Variants in LARGE1 observed in about 807,000 individuals in gnomAD.
LARGE1 encodes the protein LARGE xylosyl- and glucuronyltransferase 1.
LARGE1 carries 43 observed loss-of-function variants against 87.6 expected under a neutral mutation model. The observed-to-expected ratio is 0.49, with a 90% CI of 0.38 to 0.63. The LOEUF (loss-of-function observed/expected upper bound fraction) is 0.63. LARGE1 is among the 30% of genes least tolerant of loss of function. The probability of loss-of-function intolerance (pLI) is 0.00; values close to 1 mark genes in which losing one functional copy is unlikely to be tolerated. For missense variants in LARGE1, 802 were observed against 1,000.2 expected (o/e 0.80, Z 2.67); for synonymous variants, 434 against 394.6 (o/e 1.10, Z -1.18).
intron 2 of LARGE1, among the ~76,000 whole-genome samples, chr22:33,714,990 G>A (rs1172277341): frequency 6.6e-6 from 1 of 152,200 alleles, no homozygotes; most frequent in Non-Finnish European, 1.5e-5. Flanking sequence ...AATCAGGAAG[G>A]AGAAGAGACT....
At chr22:33,779,530 A>T (rs2085350506) in intron 1 of LARGE1, among the ~76,000 whole-genome samples, 2 of 152,164 alleles carry the variant, frequency 1.3e-5, no homozygotes, top group Non-Finnish European at 2.9e-5. Flanking sequence ...CTGTAATCTC[A>T]GGACACTGGG....
intron 1 of LARGE1, among the ~76,000 whole-genome samples, chr22:33,844,372 G>A (rs1400673902): frequency 6.6e-6 from 1 of 152,198 alleles, no homozygotes; most frequent in Non-Finnish European, 1.5e-5. Context: ...GGCACAGGGA[G>A]TTTAGTAAAG....
At chr22:33,369,299 G>C (rs2064716960) in intron 9 of LARGE1, among the ~76,000 whole-genome samples, 1 of 152,196 alleles carries the variant, frequency 6.6e-6, no homozygotes, top group African/African-American at 2.4e-5. Flanking sequence ...TTGCTCTCAA[G>C]AGATTGATAA....
intron 7 of LARGE1, among the ~76,000 whole-genome samples, chr22:33,428,086 CT>C (rs1454293845): frequency 1.3e-5 from 2 of 152,160 alleles, no homozygotes; most frequent in Non-Finnish European, 2.9e-5. Flanking sequence ...AAAATACTTA[CT>C]CGTTCTTTCT....
At chr22:33,697,570 A>AAAAAAC in intron 2 of LARGE1, among the ~76,000 whole-genome samples, 1 of 150,836 alleles carries the variant, frequency 6.6e-6, no homozygotes, top group Non-Finnish European at 1.5e-5. Flanking sequence ...AAAAAAAAAA[A>AAAAAAC]GGAAATACAT....
intron 3 of LARGE1, among the ~76,000 whole-genome samples, chr22:33,630,994 A>G (rs1183199869): frequency 6.6e-6 from 1 of 151,944 alleles, no homozygotes; most frequent in Non-Finnish European, 1.5e-5. Context: ...CTTGGACTAC[A>G]GGCGCCTGCC....
chr22:33,211,729 C>T (rs1430210019), intron 11 of LARGE1, among the ~76,000 whole-genome samples: 1 of 152,108 alleles, frequency 6.6e-6, no homozygotes, highest in African/African-American at 2.4e-5. Context: ...GCCGAGATCG[C>T]GCCACTACAC....
chr22:33,830,088 G>C (rs1417542654), intron 1 of LARGE1, among the ~76,000 whole-genome samples: 1 of 152,092 alleles, frequency 6.6e-6, no homozygotes, highest in Non-Finnish European at 1.5e-5. Flanking sequence ...CAGTCAACAA[G>C]GTCCTTTGGG....
At chr22:33,623,146 T>A (rs913241501) in intron 4 of LARGE1, among the ~76,000 whole-genome samples, 48 of 151,994 alleles carry the variant, frequency 3.2e-4, no homozygotes, top group African/African-American at 1.1e-3. Flanking sequence ...GCTTTTTTTT[T>A]TTTTTTTTAA....
At chr22:33,553,896 G>A (rs2077601059) in intron 6 of LARGE1, among the ~76,000 whole-genome samples, 1 of 152,158 alleles carries the variant, frequency 6.6e-6, no homozygotes, top group Admixed American at 6.5e-5. Context: ...CTCCGTGAGA[G>A]TCTGAGCCCT....
At chr22:33,707,246 C>G (rs1040646880) in intron 2 of LARGE1, among the ~76,000 whole-genome samples, 1 of 152,216 alleles carries the variant, frequency 6.6e-6, no homozygotes, top group Admixed American at 6.5e-5. Flanking sequence ...GGAGAGCTCC[C>G]GGGGCCACAC....
At chr22:33,651,221 A>G (rs1367933425) in intron 2 of LARGE1, among the ~76,000 whole-genome samples, 1 of 122,062 alleles carries the variant, frequency 8.2e-6, no homozygotes. Context: ...CTCTACTAAA[A>G]ATACAAAAAA....
At chr22:33,710,853 G>C (rs1603220954) in intron 2 of LARGE1, among the ~76,000 whole-genome samples, 1 of 152,128 alleles carries the variant, frequency 6.6e-6, no homozygotes, top group African/African-American at 2.4e-5. Context: ...TTGAAAAAGG[G>C]GCATTAGAGT....
chr22:33,200,514 G>A (rs1009123849), intron 11 of LARGE1, among the ~76,000 whole-genome samples: 4 of 152,092 alleles, frequency 2.6e-5, no homozygotes, highest in East Asian at 1.9e-4. Flanking sequence ...GATCGAAAAC[G>A]TATGTCCACA....
At chr22:33,338,533 A>G (rs892489063) in intron 9 of LARGE1, among the ~76,000 whole-genome samples, 1 of 152,170 alleles carries the variant, frequency 6.6e-6, no homozygotes, top group Admixed American at 6.5e-5. Flanking sequence ...TATGCCTTAT[A>G]ACTATTTTTA....
the LARGE1 span, among the ~76,000 whole-genome samples, chr22:33,150,317 C>T: frequency 2.6e-5 from 4 of 152,100 alleles, no homozygotes; most frequent in Non-Finnish European, 5.9e-5. Flanking sequence ...AGACTGATCT[C>T]CCATCTCCTC....
chr22:33,381,855 C>T, intron 9 of LARGE1, 64 bp downstream of exon 9: 2 of 1,599,876 alleles, frequency 1.3e-6, no homozygotes, highest in East Asian at 2.2e-5. Context: ...GCCATCCATG[C>T]CCCTGGGAGG....
intron 2 of LARGE1, among the ~76,000 whole-genome samples, chr22:33,735,573 T>G (rs575091068): frequency 5.9e-5 from 9 of 152,310 alleles, no homozygotes; most frequent in Non-Finnish European, 1.0e-4. Context: ...AACTGGTGAA[T>G]GAAGGGATCC....
At chr22:33,708,442 G>A (rs1328529893) in intron 2 of LARGE1, among the ~76,000 whole-genome samples, 1 of 152,054 alleles carries the variant, frequency 6.6e-6, no homozygotes, top group East Asian at 1.9e-4. Context: ...TTACATGCCT[G>A]CCTGAGGCAT....
Sources: gnomAD v4.1 joint callset for allele counts (sites outside exome capture counted in the v4.1 genomes callset) on GRCh38, gnomAD v4.1.1 for gene constraint, MANE v1.5 for transcripts, NCBI Gene and HGNC (gene_info 2026-07-23, HGNC 2026-07-21) for gene names.